The following WFDC8 variants were observed in gnomAD, a reference collection of about 807,000 sequenced individuals.
The protein encoded by WFDC8 is WAP four-disulfide core domain protein 8.
In WFDC8, 24 loss-of-function variants were observed where a neutral mutation model predicts 27.0. The ratio of observed to expected loss-of-function variants is 0.89; its 90% CI spans 0.64 to 1.25. The LOEUF is 1.25. Among genes scored for constraint, WFDC8 ranks in the 50% most tolerant of loss-of-function variants. The pLI is 0.00. For synonymous variants in WFDC8, 106 were observed against 99.7 expected (o/e 1.06, Z -0.38); for missense variants, 287 against 295.9 (o/e 0.97, Z 0.22).
At chr20:45,555,981 G>T in intron 3 of WFDC8, 113 bp from the exon 4 acceptor site, 1 of 1,119,428 alleles carries the variant, frequency 8.9e-7, no homozygotes, top group Non-Finnish European at 1.3e-6. Context: ...CATAAAAGGA[G>T]CCATGGCAGG....
chr20:45,559,349 A>G (rs1174380281), intron 2 of WFDC8, among the ~76,000 whole-genome samples: 1 of 152,232 alleles, frequency 6.6e-6, no homozygotes, highest in Admixed American at 6.5e-5. Flanking sequence ...GAAATTAGTA[A>G]AGACTGGTGG....
chr20:45,575,662 GC>G (rs998563907), intron 1 of WFDC8, among the ~76,000 whole-genome samples: 35 of 151,266 alleles, frequency 2.3e-4, no homozygotes, highest in African/African-American at 8.0e-4. Context: ...AAACTGAGCA[GC>G]ATTTTGCAAT....
chr20:45,562,017 G>A (rs1251645402), intron 2 of WFDC8, 93 bp downstream of exon 2: 6 of 1,140,626 alleles, frequency 5.3e-6, no homozygotes, highest in Admixed American at 2.0e-5. Context: ...CAGTAGAGGG[G>A]GCCTCATCTG....
chr20:45,553,064 C>T (rs1273810857), intron 5 of WFDC8, 72 bp downstream of exon 5: 2 of 1,535,610 alleles, frequency 1.3e-6, no homozygotes, highest in Non-Finnish European at 8.8e-7. Flanking sequence ...AGACACCCCC[C>T]ACTCCATGGA....
intron 1 of WFDC8, among the ~76,000 whole-genome samples, 162 bp from the exon 2 acceptor site, chr20:45,562,381 G>A (rs1980504754): frequency 6.6e-6 from 1 of 152,188 alleles, no homozygotes; most frequent in African/African-American, 2.4e-5. Flanking sequence ...CAGATGGTGA[G>A]TTAAGGTGTG....
chr20:45,555,969 G>C, intron 3 of WFDC8, 101 bp from the exon 4 acceptor site: 1 of 1,232,652 alleles, frequency 8.1e-7, no homozygotes, highest in African/African-American at 1.5e-5. Context: ...TATCACCCAA[G>C]TCATAAAAGG....
At chr20:45,570,559 G>C (rs1013798128) in intron 1 of WFDC8, among the ~76,000 whole-genome samples, 1 of 151,958 alleles carries the variant, frequency 6.6e-6, no homozygotes, top group Non-Finnish European at 1.5e-5. Flanking sequence ...CCTTTCTCTT[G>C]TTCATGGAAA....
rs535750794 is a variant in WFDC8 at position 45,569,276 on chromosome 20, G to A, written c.27-7057C>T. Among the ~76,000 whole-genome samples, 21 of 152,080 alleles carry A rather than the reference G, an allele frequency of 1.4e-4. 1 individual carries two copies. Among genetic ancestry groups the A allele is most frequent in the Admixed American group, 1.2e-3 (18 of 15,258 alleles). ...GATTATGAGTATCATGTGATATTTG[G>A]CAACTTACTAGAAGTTCAAAGAACC... On this transcript the variant is annotated intron_variant, in intron 1 of 5. Coordinates refer to ENST00000289953, the MANE Select transcript of WFDC8 (RefSeq NM_130896.3).
At chr20:45,574,807 GA>G (rs948170360) in intron 1 of WFDC8, among the ~76,000 whole-genome samples, 6 of 151,920 alleles carry the variant, frequency 3.9e-5, no homozygotes, top group African/African-American at 1.4e-4. Context: ...CAAAATAAAA[GA>G]AAAAAATAGT....
intron 4 of WFDC8, 48 bp downstream of exon 4, chr20:45,555,653 T>C (rs1223645131): frequency 6.3e-7 from 1 of 1,599,368 alleles, no homozygotes; most frequent in East Asian, 2.2e-5. Flanking sequence ...ATTGGTATAC[T>C]ATTTCTAGTT....
chr20:45,568,482 G>T, intron 1 of WFDC8: 1 of 318,184 alleles, frequency 3.1e-6, no homozygotes, highest in Non-Finnish European at 6.5e-6. Context: ...ATGGCCTTCA[G>T]CTTTCCTGAA....
intron 3 of WFDC8, among the ~76,000 whole-genome samples, chr20:45,558,459 C>T (rs547043828): frequency 6.6e-5 from 10 of 152,266 alleles, no homozygotes; most frequent in East Asian, 5.8e-4. Context: ...CACAGTTCCC[C>T]GCACATATTA....
chr20:45,568,770 C>T (rs147612868), intron 1 of WFDC8: 6 of 458,148 alleles, frequency 1.3e-5, no homozygotes, highest in Admixed American at 4.3e-5. Flanking sequence ...GTGACACTCT[C>T]GATAATTACA....
rs1304601725 is a variant in WFDC8, at chr20:45,575,210, GGAAA to G, written c.26+4008_26+4011del. ...AAAATAAATAAAATTCATCCAAATAGGAAAGAAAGCGACGAAATTGCCTCTGTTT... is the reference window on the plus strand; with the variant it reads ...AAAATAAATAAAATTCATCCAAATAGGAAAGCGACGAAATTGCCTCTGTTT... On this transcript the variant is annotated intron_variant, in intron 1 of 5. Transcript: ENST00000289953. Among the ~76,000 whole-genome samples, 18 of 152,210 alleles carry G rather than the reference GGAAA, an allele frequency of 1.2e-4. 1 individual carries two copies. In the South Asian group the frequency reaches 3.7e-3, roughly 32 times the overall value.
At chr20:45,553,782 G>C (rs1384874072) in intron 4 of WFDC8, among the ~76,000 whole-genome samples, 1 of 152,120 alleles carries the variant, frequency 6.6e-6, no homozygotes. Context: ...TCAGATCAGG[G>C]TGGCAGCTGC....
chr20:45,557,699 C>T (rs1490353335), intron 3 of WFDC8, among the ~76,000 whole-genome samples: 4 of 152,194 alleles, frequency 2.6e-5, no homozygotes, highest in Non-Finnish European at 4.4e-5. Context: ...TCCCAAAGTG[C>T]TGGGATTACA....
At chr20:45,552,270 G>A in intron 5 of WFDC8, 105 bp from the exon 6 acceptor site, 2 of 1,361,172 alleles carry the variant, frequency 1.5e-6, no homozygotes, top group Non-Finnish European at 2.0e-6. Flanking sequence ...TTCTGATTAA[G>A]CTTCTTACCT....
At chr20:45,560,082 T>C (rs2145566663) in intron 2 of WFDC8, among the ~76,000 whole-genome samples, 1 of 152,368 alleles carries the variant, frequency 6.6e-6, no homozygotes, top group Non-Finnish European at 1.5e-5. Flanking sequence ...TAAGGTCTAA[T>C]CTCTGGCCCA....
chr20:45,572,167 G>A (rs920111424), intron 1 of WFDC8, among the ~76,000 whole-genome samples: 4 of 151,972 alleles, frequency 2.6e-5, no homozygotes, highest in South Asian at 2.1e-4. Context: ...TTGGGAGGCC[G>A]AGGCGGGCGG....
Sources: gnomAD v4.1 joint callset for allele counts (sites outside exome capture counted in the v4.1 genomes callset) on GRCh38, gnomAD v4.1.1 for gene constraint, MANE v1.5 for transcripts, NCBI Gene and HGNC (gene_info 2026-07-23, HGNC 2026-07-21) for gene names.